CDK5RAP3: variants seen among roughly 807,000 people sequenced by gnomAD.
The protein encoded by CDK5RAP3 is CDK5 regulatory subunit associated protein 3, also known as CDK5 regulatory subunit-associated protein 3.
Under a neutral mutation model 73.3 loss-of-function variants are expected in CDK5RAP3, and 58 were observed. The ratio of observed to expected loss-of-function variants is 0.79; its 90% confidence interval spans 0.64 to 0.98. The LOEUF (loss-of-function observed/expected upper bound fraction) is 0.98, where lower values mean the gene tolerates loss of function less well. Ranked by LOEUF, CDK5RAP3 falls within the 50% of genes least tolerant of loss-of-function variation. The pLI, the probability that CDK5RAP3 is intolerant of heterozygous loss-of-function variation, is 0.00. For synonymous variants in CDK5RAP3, 224 were observed against 247.5 expected, an observed-to-expected ratio of 0.91 and a Z score of 0.89; for missense variants, 525 against 615.8, an observed-to-expected ratio of 0.85 and a Z score of 1.56.
At chr17:47,980,870 C>G (rs2036536919) in intron 12 of CDK5RAP3, 72 bp downstream of exon 12, 1 of 1,474,314 alleles carries the variant, frequency 6.8e-7, no homozygotes, top group Admixed American at 1.7e-5. Context: ...TCCTCTTGTT[C>G]CATGACCCCT....
chr17:47,969,963 C>A (rs12941306), upstream of CDK5RAP3, among the ~76,000 whole-genome samples: 3,628 of 152,274 alleles, frequency 0.024, 132 homozygotes, highest in African/African-American at 0.082. Flanking sequence ...CCCAAACAGC[C>A]AATCAATTGC....
Position 47,981,776 on chromosome 17 carries a change from T to C in CDK5RAP3, c.*274T>C, listed in dbSNP as rs950983404. On this transcript the variant is annotated 3_prime_UTR_variant, in exon 14 of 14. Transcript: ENST00000338399. ...AATAAAAGAGGAAAAAACTCTTGCT[T>C]CAGTACTGACAGTTCCTTATGCTGC... The C allele has an allele frequency of 7.0e-7, 1 of 1,422,798 alleles. No homozygotes were observed. The highest frequency in any genetic ancestry group is 9.3e-7 in the Non-Finnish European group (1 of 1,069,576). 88.1% of individuals were successfully genotyped at this position (1,422,798 alleles called of 1,614,324 possible).
At chr17:47,971,527 C>T in intron 2 of CDK5RAP3, 120 bp downstream of exon 2, 1 of 958,024 alleles carries the variant, frequency 1.0e-6, no homozygotes, top group Non-Finnish European at 1.5e-6. Context: ...GACCACTGGC[C>T]TCGTTCTATG....
chr17:47,975,502 T>C lies in CDK5RAP3; in HGVS notation c.514-12T>C. ...TCAATCTGTTGGACTCCACCTCTTC[T>C]CCCCTCTCTAGGGCGAAAATGTCCG... On this transcript the variant is annotated splice_polypyrimidine_tract_variant and intron_variant, in intron 6 of 13. Transcript: ENST00000338399. The C allele has an allele frequency of 6.2e-7, 1 of 1,610,302 alleles. No individual in the cohort carries two copies. The highest frequency in any genetic ancestry group is 8.5e-7 in the Non-Finnish European group (1 of 1,180,004).
chr17:47,975,847 T>C (rs2036396130), intron 7 of CDK5RAP3, 22 bp from the exon 8 acceptor site: 1 of 1,613,276 alleles, frequency 6.2e-7, no homozygotes, highest in Non-Finnish European at 8.5e-7. Flanking sequence ...GGCAGGAGAG[T>C]CAGTTGTGTG....
At chr17:47,970,807 AG>A, upstream of CDK5RAP3, 1 of 1,434,924 alleles carries the variant, frequency 7.0e-7, no homozygotes, top group Non-Finnish European at 9.4e-7. Flanking sequence ...AGTGCCCGCC[AG>A]GGGAAGCGGC....
chr17:47,973,686 T>C (rs1169898201), intron 3 of CDK5RAP3, 36 bp downstream of exon 3: 2 of 1,610,994 alleles, frequency 1.2e-6, no homozygotes, highest in Non-Finnish European at 8.5e-7. Context: ...AGTCCCCTCT[T>C]TGCTGAGGTA....
At chr17:47,971,103 G>T, upstream of CDK5RAP3, 7 of 1,551,814 alleles carry the variant, frequency 4.5e-6, no homozygotes, top group Non-Finnish European at 6.1e-6. Context: ...GTGGTAGGGC[G>T]GGGCGGGCCA....
In CDK5RAP3 at chr17:47,980,766, G is replaced by A; in HGVS notation, c.1251G>A (p.Leu417=). 6.2e-7 allele frequency: 1 copy of A among 1,614,192 alleles called. No homozygotes were observed. The highest frequency in any genetic ancestry group is 8.5e-7 in the Non-Finnish European group (1 of 1,180,040). The part of the protein sequence containing the change: ...DLIGKLTSLQ[L]QHLFMILASP... ...TTGGCAAGCTTACCAGTCTTCAGCT[G>A]CAACACCTGTTTATGATCCTGGCCT... Residue 417 remains leucine, a synonymous_variant, in exon 12 of 14, where the codon CTG becomes CTA. Coordinates refer to ENST00000338399, the MANE Select transcript of CDK5RAP3 (RefSeq NM_176096.3).
Position 47,981,455 on chromosome 17 carries a change from A to T in CDK5RAP3, c.1474A>T (p.Lys492Ter). The T allele has an allele frequency of 6.2e-7, 1 of 1,614,210 alleles. No individual in the cohort carries two copies. Among genetic ancestry groups the T allele is most frequent in the Non-Finnish European group, 8.5e-7 (1 of 1,180,028 alleles). Reference protein sequence around the residue: ...LQKLIEADISKRYSGRPVNLM... With the variant: ...LQKLIEADIS ...CTTTCAGATTGAAGCTGACATCTCCAAGAGGTACAGCGGGCGCCCTGTGAA... is the reference window on the plus strand; with the variant it reads ...CTTTCAGATTGAAGCTGACATCTCCTAGAGGTACAGCGGGCGCCCTGTGAA... The change falls in exon 14 of 14, where the codon AAG becomes TAG. Residue 492 changes from lysine to a stop codon, truncating the protein, a stop_gained. Coordinates refer to ENST00000338399, the MANE Select transcript of CDK5RAP3 (RefSeq NM_176096.3). LOFTEE classifies it high-confidence loss of function.
upstream of CDK5RAP3, among the ~76,000 whole-genome samples, chr17:47,968,587 G>A (rs1166588929): frequency 2.0e-5 from 3 of 152,142 alleles, no homozygotes; most frequent in Non-Finnish European, 4.4e-5. Context: ...GCGCAATATC[G>A]GCTCACTGCA....
At position 47,975,526 on chromosome 17, in the gene CDK5RAP3, CGAG is replaced by C. The variant is rs758392060; in HGVS notation, c.530_532del (p.Gly177del). 1 of 1,611,016 alleles carries C rather than the reference CGAG, an allele frequency of 6.2e-7. No homozygotes were observed. Among genetic ancestry groups the C allele is most frequent in the East Asian group, 2.2e-5 (1 of 44,876 alleles). On this transcript the variant is annotated inframe_deletion, in exon 7 of 14. Transcript: ENST00000338399. Reference sequence around the variant, plus strand: ...CTCCCCTCTCTAGGGCGAAAATGTCCGAGGAGAACTGCTGGCCCTGGTGAAGGA... The same window carrying C: ...CTCCCCTCTCTAGGGCGAAAATGTCCGAGAACTGCTGGCCCTGGTGAAGGA...
Position 47,981,276 on chromosome 17 carries a change from C to A in CDK5RAP3, c.1397C>A (p.Ala466Glu), listed in dbSNP as rs774973807. ...QKQQEALEEQ[A>E]ALEPKLDLLL... Reference sequence around the variant, plus strand: ...CAGCAGGAGGCACTTGAGGAGCAGGCGGCTCTGGAGCCTAAGCTGGACCTG... The same window carrying A: ...CAGCAGGAGGCACTTGAGGAGCAGGAGGCTCTGGAGCCTAAGCTGGACCTG... Residue 466 changes from alanine (A) to glutamate (E), a missense_variant, in exon 13 of 14, where the codon GCG becomes GAG. By Grantham distance (107) the Ala-to-Glu change is moderately radical. Transcript: ENST00000338399. 6.2e-7 allele frequency: 1 copy of A among 1,614,198 alleles called. No homozygotes were observed. The highest frequency in any genetic ancestry group is 1.1e-5 in the South Asian group (1 of 91,086).
At position 47,981,259 on chromosome 17, in the gene CDK5RAP3, G is replaced by A; in HGVS notation, c.1380G>A (p.Glu460=). ...KKELMVQKQQ[E]ALEEQAALEP... ...AGCTGATGGTGCAGAAGCAGCAGGA[G>A]GCACTTGAGGAGCAGGCGGCTCTGG... The change falls in exon 13 of 14, where the codon GAG becomes GAA. Residue 460 remains glutamate, a synonymous_variant. Transcript: ENST00000338399. 2 of 1,614,246 alleles carry A rather than the reference G, an allele frequency of 1.2e-6. No homozygotes were observed. The highest frequency in any genetic ancestry group is 8.5e-7 in the Non-Finnish European group (1 of 1,180,046).
upstream of CDK5RAP3, chr17:47,971,111 C>A: frequency 1.3e-6 from 2 of 1,551,790 alleles, no homozygotes; most frequent in Non-Finnish European, 1.7e-6. Flanking sequence ...GCGGGGCGGG[C>A]CACAGTCTCC....
intron 2 of CDK5RAP3, 33 bp downstream of exon 2, chr17:47,971,440 C>A: frequency 6.4e-7 from 1 of 1,569,484 alleles, no homozygotes; most frequent in Middle Eastern, 1.7e-4. Context: ...AGCTGGCTGT[C>A]GGGGGGAGGC....
intron 10 of CDK5RAP3, 132 bp downstream of exon 10, chr17:47,978,042 G>A: frequency 1.7e-6 from 1 of 597,522 alleles, no homozygotes; most frequent in East Asian, 3.1e-5. Flanking sequence ...CCTTGATGAG[G>A]ATGTGAGCTG....
chr17:47,973,433 C>A, intron 2 of CDK5RAP3, 86 bp from the exon 3 acceptor site: 1 of 1,505,430 alleles, frequency 6.6e-7, no homozygotes, highest in South Asian at 1.2e-5. Context: ...AACTTTTAGA[C>A]TAATTTCAGT....
intron 1 of CDK5RAP3, 76 bp from the exon 2 acceptor site, chr17:47,971,286 G>A: frequency 6.4e-7 from 1 of 1,553,564 alleles, no homozygotes; most frequent in Non-Finnish European, 8.7e-7. Context: ...TGGTGGTTGG[G>A]ACGTTGAAAT....
Sources: gnomAD v4.1 joint callset for allele counts (sites outside exome capture counted in the v4.1 genomes callset) on GRCh38, gnomAD v4.1.1 for gene constraint, MANE v1.5 for transcripts, NCBI Gene and HGNC (gene_info 2026-07-23, HGNC 2026-07-21) for gene names.